The following GYS1 variants were observed in gnomAD, a reference collection of about 807,000 sequenced individuals.
GYS1 encodes glycogen synthase 1, also known as glycogen [starch] synthase, muscle.
In GYS1, 60 loss-of-function variants were observed where a neutral mutation model predicts 89.1. The observed-to-expected ratio is 0.67, with a 90% CI of 0.55 to 0.84. The LOEUF (loss-of-function observed/expected upper bound fraction) is 0.84. Among genes scored for constraint, GYS1 ranks in the 40% least tolerant of loss-of-function variants. The probability of loss-of-function intolerance (pLI) is 0.00; values close to 1 mark genes in which losing one functional copy is unlikely to be tolerated. For missense variants in GYS1, 888 were observed against 1,003.1 expected, an observed-to-expected ratio of 0.89 and a Z score of 1.55; for synonymous variants, 366 against 401.7, an observed-to-expected ratio of 0.91 and a Z score of 1.06.
rs919703565 is a variant in GYS1, at chr19:48,984,860, G to A, written c.823+601C>T. Among the ~76,000 whole-genome samples, 12 of 151,852 alleles carry A rather than the reference G, an allele frequency of 7.9e-5. No individual in the cohort carries two copies. The East Asian group carries it at 9.8e-4, about 12-fold the overall frequency. ...AGCGCCACTGCACTCCAGCCTGGGCGACAGAGCGAGACTCCGTCTCAAAAA... is the reference window on the plus strand; with the variant it reads ...AGCGCCACTGCACTCCAGCCTGGGCAACAGAGCGAGACTCCGTCTCAAAAA... On this transcript the variant is annotated intron_variant, in intron 5 of 15. Transcript: ENST00000323798.
chr19:48,985,144 T>C (rs1023804629), intron 5 of GYS1, among the ~76,000 whole-genome samples: 5 of 152,082 alleles, frequency 3.3e-5, no homozygotes, highest in Non-Finnish European at 7.4e-5. Context: ...CTTGACCTCC[T>C]AGGCTCGAGC....
At chr19:48,978,024 G>A in intron 9 of GYS1, 22 bp from the exon 10 acceptor site, 1 of 1,611,224 alleles carries the variant, frequency 6.2e-7, no homozygotes. Context: ...GCAGGGGCAT[G>A]CATGTGAGAA....
In GYS1 at chr19:48,981,642, C is replaced by T. The variant is rs1457184269; in HGVS notation, c.1063-6G>A. On this transcript the variant is annotated splice_region_variant and splice_polypyrimidine_tract_variant and intron_variant, in intron 7 of 15. Transcript: ENST00000323798. The stretch of plus-strand genomic sequence containing the variant: ...GTCTGCTCGCTGCCGTTCACCTGCG[C>T]AGAAAGAAAGGAGGGGGAGGCCAGG... 1 of 1,592,912 alleles carries T rather than the reference C, an allele frequency of 6.3e-7. No individual in the cohort carries two copies. The highest frequency in any genetic ancestry group is 8.6e-7 in the Non-Finnish European group (1 of 1,160,830).
intron 8 of GYS1, among the ~76,000 whole-genome samples, chr19:48,980,659 CAAA>C (rs35768030): frequency 7.0e-6 from 1 of 142,348 alleles, no homozygotes. Flanking sequence ...GACTCTGTTT[CAAA>C]AAAAAAAAAA....
At chr19:48,978,046 G>C (rs762947633) in intron 9 of GYS1, 44 bp from the exon 10 acceptor site, 2 of 1,608,326 alleles carry the variant, frequency 1.2e-6, no homozygotes, top group Non-Finnish European at 1.7e-6. Context: ...GGAGTAATGA[G>C]AGGGGTTAGT....
In GYS1 at chr19:48,984,876, G is replaced by T. The variant is rs542762578; in HGVS notation, c.823+585C>A. Reference sequence around the variant, plus strand: ...AGCCTGGGCGACAGAGCGAGACTCCGTCTCAAAAATAAATAAATAAATAAA... The same window carrying T: ...AGCCTGGGCGACAGAGCGAGACTCCTTCTCAAAAATAAATAAATAAATAAA... On this transcript the variant is annotated intron_variant, in intron 5 of 15. Transcript: ENST00000323798. Among the ~76,000 whole-genome samples, 4 of 151,710 alleles carry T rather than the reference G, an allele frequency of 2.6e-5. 1 individual carries two copies. Among genetic ancestry groups the T allele is most frequent in the Non-Finnish European group, 5.9e-5 (4 of 67,976 alleles).
At chr19:48,982,950 G>C (rs1370067358) in intron 5 of GYS1, 113 bp from the exon 6 acceptor site, 2 of 821,454 alleles carry the variant, frequency 2.4e-6, no homozygotes, top group African/African-American at 1.7e-5. Flanking sequence ...TTTGTTTCAA[G>C]AGCGTTCCTA....
rs1386108189 is a variant in GYS1, at chr19:48,985,537, G to A, written c.747C>T (p.Ala249=). The A allele has an allele frequency of 6.2e-7, 1 of 1,614,052 alleles. No individual in the cohort carries two copies. Among genetic ancestry groups the A allele is most frequent in the East Asian group, 2.2e-5 (1 of 44,878 alleles). The stretch of plus-strand genomic sequence containing the variant: ...CAGTAGTGAAGACGTGAGCGCAGTG[G>A]GCTGCCGCCCTTTCCATGCAGTATC... ...YHRYCMERAA[A]HCAHVFTTVS... is the part of the protein sequence containing the mutation. The change falls in exon 5 of 16, where the codon GCC becomes GCT. Residue 249 remains alanine (A), a synonymous_variant. Transcript: ENST00000323798.
chr19:48,986,818 C>A (rs2038849925), intron 3 of GYS1, among the ~76,000 whole-genome samples: 1 of 152,142 alleles, frequency 6.6e-6, no homozygotes, highest in Admixed American at 6.6e-5. Flanking sequence ...CTTCTTGAGC[C>A]TCTTAAAACC....
In GYS1 at chr19:48,969,297, C is replaced by A; in HGVS notation, c.2205G>T (p.Glu735Asp). The A allele has an allele frequency of 2.6e-6, 4 of 1,557,170 alleles. No individual in the cohort carries two copies. The highest frequency in any genetic ancestry group is 2.6e-6 in the Non-Finnish European group (3 of 1,158,894). The change falls in exon 16 of 16, where the codon GAG becomes GAT. Residue 735 changes from glutamate to aspartate, a missense_variant. Physicochemically the swap from Glu to Asp is conservative, Grantham distance 45. Coordinates refer to ENST00000323798, the MANE Select transcript of GYS1 (RefSeq NM_002103.5). ...GTGTGGTGGGGCGGACTTAGTTACG[C>A]TCCTCGCCCAGGGAGCTGGTGGGGC... ...PLSPTSSLGE[E>D]RN
rs1359774553 is a variant in GYS1, at chr19:48,969,226, C to T, written c.*62G>A. On this transcript the variant is annotated 3_prime_UTR_variant, in exon 16 of 16. Transcript: ENST00000323798. ...TGGAGCGGGGGTTTAGGAGCAGCAC[C>T]CCTCTGCATCCTCTCTCTGGAGCAG... is the stretch of plus-strand genomic sequence containing the variant. The T allele has an allele frequency of 9.1e-6, 13 of 1,426,434 alleles. No individual in the cohort carries two copies. Among genetic ancestry groups the T allele is most frequent in the Non-Finnish European group, 1.1e-5 (12 of 1,059,026 alleles). The allele number at this position is 1,426,434 out of a possible 1,614,324, so 88.4% of individuals were successfully genotyped here.
chr19:48,991,675 C>A lies in GYS1; in HGVS notation c.119-192G>T, dbSNP rs376106571. 49 of 626,976 alleles carry A rather than the reference C, an allele frequency of 7.8e-5. No individual in the cohort carries two copies. The East Asian group carries it at 1.1e-3, about 14-fold the overall frequency. The allele number at this position is 626,976 out of a possible 1,614,324, so 38.8% of individuals were successfully genotyped here. On this transcript the variant is annotated intron_variant, in intron 1 of 15. Coordinates refer to ENST00000323798, the MANE Select transcript of GYS1 (RefSeq NM_002103.5). The surrounding 1 kb of genome is among the most constrained non-coding windows in gnomAD (Gnocchi z 4.7). ...TGAGGGGAACACGAGGGCTGGAGGG[C>A]AGTCCTCCTGGGTCTAAGGGAGAAG... is the stretch of plus-strand genomic sequence containing the variant.
intron 13 of GYS1, 32 bp from the exon 14 acceptor site, chr19:48,970,741 A>T: frequency 6.2e-7 from 1 of 1,607,858 alleles, no homozygotes; most frequent in East Asian, 2.2e-5. Context: ...TTCAGAAAAC[A>T]TCCTGGGGAG....
chr19:48,970,947 G>C lies in GYS1; in HGVS notation c.1626C>G (p.Ile542Met). ...SGFGCFMEEH[I>M]ADPSAYGIYI... ...GCTGACCGTAAGCTGAGGGGTCTGC[G>C]ATGTGTTCCTCCATGAAGCAGCCGA... The change falls in exon 13 of 16, where the codon ATC (isoleucine) becomes ATG (methionine). Residue 542 changes from isoleucine (I) to methionine (M), a missense_variant. Ile to Met is a conservative substitution (Grantham distance 10). Coordinates refer to ENST00000323798, the MANE Select transcript of GYS1 (RefSeq NM_002103.5). The C allele has an allele frequency of 6.2e-7, 1 of 1,613,314 alleles. No homozygotes were observed.
chr19:48,980,280 C>T (rs1417298789), intron 8 of GYS1, among the ~76,000 whole-genome samples: 1 of 152,204 alleles, frequency 6.6e-6, no homozygotes, highest in South Asian at 2.1e-4. Flanking sequence ...GTCCTGACAA[C>T]CCCGTCTCAT....
intron 14 of GYS1, 117 bp downstream of exon 14, chr19:48,970,428 CA>C (rs1294645770): frequency 1.2e-6 from 1 of 867,282 alleles, no homozygotes; most frequent in Admixed American, 2.0e-5. Context: ...CGGCCTGGTT[CA>C]TTGCTTAAAG....
chr19:48,987,401 G>A lies in GYS1; in HGVS notation c.301-16C>T, dbSNP rs553652575. 3.2e-6 allele frequency: 5 copies of A among 1,572,790 alleles called. No homozygotes were observed. Among genetic ancestry groups the A allele is most frequent in the Admixed American group, 1.8e-5 (1 of 54,816 alleles). ...CGAAATACACCTGGGATGGGGTTGGGGAGGCACCATAGGGAGGCTCTGGGC... is the reference window on the plus strand; with the variant it reads ...CGAAATACACCTGGGATGGGGTTGGAGAGGCACCATAGGGAGGCTCTGGGC... On this transcript the variant is annotated splice_polypyrimidine_tract_variant and intron_variant, in intron 2 of 15. Coordinates refer to ENST00000323798, the MANE Select transcript of GYS1 (RefSeq NM_002103.5).
Position 48,984,493 on chromosome 19 carries a change from T to A in GYS1, c.823+968A>T, listed in dbSNP as rs145622948. Among the ~76,000 whole-genome samples, 803 of 150,956 alleles carry A rather than the reference T, an allele frequency of 5.3e-3. 10 individuals carry two copies. The highest frequency in any genetic ancestry group is 9.7e-3 in the Non-Finnish European group (654 of 67,696). The stretch of plus-strand genomic sequence containing the variant: ...CCACTGCAACCTCCGCCTCCTGGGT[T>A]CAAGTGATTCTCCTGCCTCAGCCTC... On this transcript the variant is annotated intron_variant, in intron 5 of 15. Coordinates refer to ENST00000323798, the MANE Select transcript of GYS1 (RefSeq NM_002103.5).
At chr19:48,974,800 C>CT in intron 10 of GYS1, 67 bp from the exon 11 acceptor site, 3 of 1,107,662 alleles carry the variant, frequency 2.7e-6, no homozygotes, top group Non-Finnish European at 4.1e-6. Context: ...TCCTCATGAG[C>CT]CATGCGGACC....
Sources: allele counts gnomAD v4.1 joint callset (sites outside exome capture counted in the v4.1 genomes callset), GRCh38; gene constraint gnomAD v4.1.1; non-coding constraint Gnocchi (gnomAD v3.1); transcripts MANE v1.5; gene names NCBI Gene and HGNC (gene_info 2026-07-23, HGNC 2026-07-21).